The following CHRM3 variants were observed in gnomAD, a reference collection of about 807,000 sequenced individuals.
CHRM3 encodes cholinergic receptor muscarinic 3, also known as muscarinic acetylcholine receptor M3.
CHRM3 carries 11 observed loss-of-function variants against 41.8 expected under a neutral mutation model. That is an observed-to-expected ratio of 0.26 (90% confidence interval 0.17 to 0.44). The LOEUF (loss-of-function observed/expected upper bound fraction) is 0.44. CHRM3 is among the 20% of genes least tolerant of loss of function. The probability of loss-of-function intolerance (pLI) is 1.00; values close to 1 mark genes in which losing one functional copy is unlikely to be tolerated. For synonymous variants in CHRM3, 297 were observed against 301.4 expected, an observed-to-expected ratio of 0.99 and a Z score of 0.15; for missense variants, 571 against 745.4, an observed-to-expected ratio of 0.77 and a Z score of 2.72.
chr1:239,882,829 A>G (rs1258973881), intron 6 of CHRM3, among the ~76,000 whole-genome samples: 3 of 152,220 alleles, frequency 2.0e-5, no homozygotes, highest in African/African-American at 7.2e-5. Flanking sequence ...TGCAGCCCCT[A>G]AGGCAGGGCA....
chr1:239,497,404 A>C (rs537334008), intron 2 of CHRM3, among the ~76,000 whole-genome samples: 219 of 152,230 alleles, frequency 1.4e-3, no homozygotes, highest in Non-Finnish European at 2.2e-3. Flanking sequence ...TACCACACTG[A>C]GGATGTTGGT....
At chr1:239,737,308 T>C (rs562522645) in intron 5 of CHRM3, among the ~76,000 whole-genome samples, 1 of 152,302 alleles carries the variant, frequency 6.6e-6, no homozygotes, top group East Asian at 1.9e-4. Flanking sequence ...ATGATCTGTT[T>C]TGACAAAATA....
intron 3 of CHRM3, among the ~76,000 whole-genome samples, chr1:239,578,660 ATCT>A (rs991799888): frequency 6.6e-6 from 1 of 152,158 alleles, no homozygotes; most frequent in Non-Finnish European, 1.5e-5. Flanking sequence ...AAAAAATTTA[ATCT>A]TCTTATCCCA....
intron 1 of CHRM3, among the ~76,000 whole-genome samples, chr1:239,396,950 T>A (rs1659537579): frequency 6.6e-6 from 1 of 152,234 alleles, no homozygotes; most frequent in Admixed American, 6.5e-5. Context: ...CTGCTTAAAA[T>A]GGCCTAGCAA....
chr1:239,570,339 T>A (rs1374485443), intron 3 of CHRM3, among the ~76,000 whole-genome samples: 1 of 152,198 alleles, frequency 6.6e-6, no homozygotes, highest in Admixed American at 6.5e-5. Context: ...CATGTGGAAC[T>A]GTGAGTCAGT....
At chr1:239,828,203 T>C (rs979568343) in intron 6 of CHRM3, among the ~76,000 whole-genome samples, 20 of 152,076 alleles carry the variant, frequency 1.3e-4, no homozygotes, top group African/African-American at 4.6e-4. Flanking sequence ...CACATAGATA[T>C]AGACACATAC....
chr1:239,480,329 A>G (rs1666750172), intron 1 of CHRM3, among the ~76,000 whole-genome samples: 1 of 152,162 alleles, frequency 6.6e-6, no homozygotes, highest in Non-Finnish European at 1.5e-5. Flanking sequence ...TGTGAAATAC[A>G]CATATGTGTT....
chr1:239,770,350 T>G (rs940414407), intron 5 of CHRM3, among the ~76,000 whole-genome samples: 9 of 152,240 alleles, frequency 5.9e-5, no homozygotes, highest in African/African-American at 2.2e-4. Flanking sequence ...ATGCCTGTAG[T>G]ATGGTAAATT....
Position 239,911,758 on chromosome 1 carries a change from C to G in CHRM3, c.*2534C>G, listed in dbSNP as rs975693947. Reference sequence around the variant, plus strand: ...GTTTTATTATAGAATTGTTTTTAAGCCTCTTATGGATGAAAGCTGCATTTA... The same window carrying G: ...GTTTTATTATAGAATTGTTTTTAAGGCTCTTATGGATGAAAGCTGCATTTA... On this transcript the variant is annotated 3_prime_UTR_variant, in exon 7 of 7. Transcript: ENST00000676153. 1.2e-5 allele frequency: 2 copies of G among 166,858 alleles called. No homozygotes were observed. The highest frequency in any genetic ancestry group is 2.9e-5 in the Non-Finnish European group (2 of 68,096). 10.3% of individuals were successfully genotyped at this position (166,858 alleles called of 1,614,324 possible). A position where few individuals can be genotyped will look rare whatever the true frequency, so the allele number is the denominator to read the frequency against.
intron 6 of CHRM3, among the ~76,000 whole-genome samples, chr1:239,883,033 T>C (rs1227231073): frequency 6.6e-6 from 1 of 152,246 alleles, no homozygotes; most frequent in African/African-American, 2.4e-5. Flanking sequence ...TGTTTTCCTC[T>C]GCATGGGATA....
chr1:239,711,611 A>G (rs925244105), intron 5 of CHRM3, among the ~76,000 whole-genome samples: 5 of 151,734 alleles, frequency 3.3e-5, no homozygotes, highest in African/African-American at 9.7e-5. Flanking sequence ...TCCTTCCACC[A>G]AACCTTTAGT....
chr1:239,389,875 TGCCG>T (rs1658869437), intron 1 of CHRM3, among the ~76,000 whole-genome samples: 2 of 152,158 alleles, frequency 1.3e-5, no homozygotes, highest in African/African-American at 4.8e-5. Context: ...TTGTTTGCAG[TGCCG>T]GGAAGTTTAT....
chr1:239,501,556 A>C (rs1668238927), intron 2 of CHRM3, among the ~76,000 whole-genome samples: 1 of 152,254 alleles, frequency 6.6e-6, no homozygotes, highest in South Asian at 2.1e-4. Context: ...GATGGAAATT[A>C]AAAAATTCTT....
chr1:239,568,524 G>A (rs1251878949), intron 3 of CHRM3, among the ~76,000 whole-genome samples: 3 of 151,998 alleles, frequency 2.0e-5, no homozygotes, highest in Non-Finnish European at 4.4e-5. Context: ...ACCCAGTCTC[G>A]GGTATGCCGT....
chr1:239,551,093 C>A (rs1659765399), intron 3 of CHRM3, among the ~76,000 whole-genome samples: 1 of 148,776 alleles, frequency 6.7e-6, no homozygotes, highest in Non-Finnish European at 1.5e-5. Context: ...AGGAAGTCCC[C>A]TAACATTAGT....
intron 3 of CHRM3, among the ~76,000 whole-genome samples, chr1:239,579,409 T>C (rs943770319): frequency 6.6e-6 from 1 of 152,220 alleles, no homozygotes; most frequent in African/African-American, 2.4e-5. Context: ...TTTAGAAAAC[T>C]GTAACAGCAT....
At chr1:239,759,430 G>A (rs576004059) in intron 5 of CHRM3, among the ~76,000 whole-genome samples, 9 of 151,620 alleles carry the variant, frequency 5.9e-5, no homozygotes, top group Non-Finnish European at 1.0e-4. Context: ...TTTAAAAGCC[G>A]CAGCAAAGGA....
At chr1:239,575,820 A>G (rs547702374) in intron 3 of CHRM3, among the ~76,000 whole-genome samples, 72 of 152,194 alleles carry the variant, frequency 4.7e-4, no homozygotes, top group Admixed American at 5.2e-4. Flanking sequence ...GTAAAACAAA[A>G]TTTACCATTT....
intron 6 of CHRM3, among the ~76,000 whole-genome samples, chr1:239,879,402 G>A (rs1310980814): frequency 3.9e-5 from 6 of 152,148 alleles, no homozygotes; most frequent in South Asian, 2.1e-4. Flanking sequence ...TCATTAGAAC[G>A]GCCTGTGCTT....
Sources: allele counts gnomAD v4.1 joint callset (sites outside exome capture counted in the v4.1 genomes callset), GRCh38; gene constraint gnomAD v4.1.1; transcripts MANE v1.5; gene names NCBI Gene and HGNC (gene_info 2026-07-23, HGNC 2026-07-21).